SLC44A5: variants seen among roughly 807,000 people sequenced by gnomAD.
The protein encoded by SLC44A5 is solute carrier family 44 member 5, also known as choline transporter-like protein 5.
Under a neutral mutation model 101.8 loss-of-function variants are expected in SLC44A5, and 57 were observed. The ratio of observed to expected loss-of-function variants is 0.56; its 90% CI spans 0.45 to 0.70. SLC44A5 has a LOEUF of 0.70. SLC44A5 is among the 30% of genes least tolerant of loss of function. The probability of loss-of-function intolerance (pLI) is 0.00; values close to 1 mark genes in which losing one functional copy is unlikely to be tolerated. For missense variants in SLC44A5, 737 were observed against 853.1 expected (o/e 0.86, Z 1.70); for synonymous variants, 281 against 290.9 (o/e 0.97, Z 0.35).
chr1:75,332,131 A>G lies in SLC44A5; in HGVS notation c.101+7451T>C, dbSNP rs189965223. On this transcript the variant is annotated intron_variant, in intron 4 of 23. Transcript: ENST00000370859. ...TAATAGATGCCCATGAATGCACATA[A>G]AAGATGCTCTATGAAAAATGCCTCT... 2.3e-3 allele frequency among the ~76,000 whole-genome samples: 351 copies of G among 152,344 alleles called. 1 individual carries two copies. Among genetic ancestry groups the G allele is most frequent in the African/African-American group, 7.9e-3 (328 of 41,590 alleles).
At chr1:75,559,253 G>A (rs900487399) in intron 1 of SLC44A5, among the ~76,000 whole-genome samples, 1 of 151,898 alleles carries the variant, frequency 6.6e-6, no homozygotes, top group African/African-American at 2.4e-5. Flanking sequence ...AAATCATGAT[G>A]AGCAGTAAAG....
the SLC44A5 span, among the ~76,000 whole-genome samples, chr1:75,634,693 C>T: frequency 6.6e-6 from 1 of 151,034 alleles, no homozygotes; most frequent in South Asian, 2.1e-4. Flanking sequence ...AATGTTAGAC[C>T]TAAAACCATA....
intron 7 of SLC44A5, among the ~76,000 whole-genome samples, chr1:75,246,044 T>A (rs1649076388): frequency 6.6e-6 from 1 of 152,130 alleles, no homozygotes; most frequent in South Asian, 2.1e-4. Context: ...CAAGTCTTCA[T>A]TATTAGCAGT....
chr1:75,691,265 G>C, the SLC44A5 span, among the ~76,000 whole-genome samples: 1 of 152,176 alleles, frequency 6.6e-6, no homozygotes, highest in East Asian at 1.9e-4. Context: ...TGTTAAATTT[G>C]ACAGGTCTTT....
chr1:75,564,823 C>T (rs1162193885), intron 1 of SLC44A5, among the ~76,000 whole-genome samples: 2 of 152,050 alleles, frequency 1.3e-5, no homozygotes, highest in African/African-American at 4.8e-5. Flanking sequence ...GGGGTTTCCC[C>T]GTGTTAGCCA....
intron 2 of SLC44A5, among the ~76,000 whole-genome samples, chr1:75,461,534 T>A (rs1405430523): frequency 6.6e-6 from 1 of 152,116 alleles, no homozygotes; most frequent in East Asian, 1.9e-4. Flanking sequence ...GTCACCAAAT[T>A]TTGCTAGCCA....
chr1:75,655,035 C>T, the SLC44A5 span, among the ~76,000 whole-genome samples: 2 of 152,100 alleles, frequency 1.3e-5, no homozygotes, highest in Non-Finnish European at 2.9e-5. Context: ...TTATATCCCT[C>T]TAATAAAGAT....
intron 4 of SLC44A5, among the ~76,000 whole-genome samples, chr1:75,308,534 A>C (rs904317002): frequency 6.6e-6 from 1 of 152,200 alleles, no homozygotes; most frequent in African/African-American, 2.4e-5. Context: ...GTAATCTGTC[A>C]GTAGGTGGAA....
At chr1:75,621,319 C>T in the SLC44A5 span, among the ~76,000 whole-genome samples, 1 of 151,824 alleles carries the variant, frequency 6.6e-6, no homozygotes, top group African/African-American at 2.4e-5. Context: ...AATCATTATT[C>T]TTAGATTTTT....
chr1:75,386,288 A>G (rs1040981634), intron 3 of SLC44A5, among the ~76,000 whole-genome samples: 3 of 152,186 alleles, frequency 2.0e-5, no homozygotes, highest in African/African-American at 4.8e-5. Context: ...TGCAGATGAC[A>G]TGATTGTATA....
chr1:75,465,510 T>C (rs1666765047), intron 2 of SLC44A5, among the ~76,000 whole-genome samples: 1 of 151,450 alleles, frequency 6.6e-6, no homozygotes, highest in Admixed American at 6.6e-5. Flanking sequence ...CCAAAATTAG[T>C]AGACGAAAAG....
intron 12 of SLC44A5, among the ~76,000 whole-genome samples, chr1:75,230,857 T>C (rs1363430587): frequency 6.6e-6 from 1 of 152,166 alleles, no homozygotes; most frequent in Admixed American, 6.6e-5. Flanking sequence ...CCTCAAGTGA[T>C]TGGCCGCCTC....
intron 4 of SLC44A5, among the ~76,000 whole-genome samples, chr1:75,313,835 G>A (rs1168202045): frequency 6.6e-6 from 1 of 152,088 alleles, no homozygotes; most frequent in Non-Finnish European, 1.5e-5. Flanking sequence ...AAAGGCAAAA[G>A]AGAATAAATC....
intron 4 of SLC44A5, among the ~76,000 whole-genome samples, chr1:75,307,942 A>C (rs1157365317): frequency 6.6e-6 from 1 of 152,194 alleles, no homozygotes; most frequent in African/African-American, 2.4e-5. Context: ...TTTTAATTAC[A>C]TGAACCTGTA....
intron 2 of SLC44A5, among the ~76,000 whole-genome samples, chr1:75,441,184 T>A (rs1421267023): frequency 2.0e-5 from 3 of 152,138 alleles, no homozygotes; most frequent in Non-Finnish European, 2.9e-5. Flanking sequence ...AGTGCATGAC[T>A]TTCAAACCAG....
chr1:75,339,817 T>A (rs1178532947), intron 3 of SLC44A5, among the ~76,000 whole-genome samples, 187 bp from the exon 4 acceptor site: 1 of 152,196 alleles, frequency 6.6e-6, no homozygotes, highest in Non-Finnish European at 1.5e-5. Flanking sequence ...ATCTCCAGCT[T>A]AGAAGGAGGA....
At chr1:75,320,601 G>C (rs547497958) in intron 4 of SLC44A5, among the ~76,000 whole-genome samples, 1 of 152,280 alleles carries the variant, frequency 6.6e-6, no homozygotes, top group East Asian at 1.9e-4. Flanking sequence ...TTGTCATTAA[G>C]TTATAGTCCA....
chr1:75,630,743 A>G, the SLC44A5 span, among the ~76,000 whole-genome samples: 2 of 152,216 alleles, frequency 1.3e-5, no homozygotes, highest in African/African-American at 4.8e-5. Flanking sequence ...AAAATAAAAT[A>G]AGAAGAGATC....
At chr1:75,566,688 A>G (rs1324145652) in intron 1 of SLC44A5, among the ~76,000 whole-genome samples, 1 of 152,248 alleles carries the variant, frequency 6.6e-6, no homozygotes, top group Non-Finnish European at 1.5e-5. Flanking sequence ...TTTCACTCAA[A>G]AAGTTGAACT....
Sources: allele counts gnomAD v4.1 joint callset (sites outside exome capture counted in the v4.1 genomes callset), GRCh38; gene constraint gnomAD v4.1.1; transcripts MANE v1.5; gene names NCBI Gene and HGNC (gene_info 2026-07-23, HGNC 2026-07-21).